The following PPP2R5E variants were observed in gnomAD, a reference collection of about 807,000 sequenced individuals.
PPP2R5E encodes the protein protein phosphatase 2 regulatory subunit B'epsilon.
A neutral mutation model predicts 65.3 loss-of-function variants in PPP2R5E; 4 were observed. The observed-to-expected ratio is 0.06, with a 90% CI of 0.03 to 0.14. The LOEUF (loss-of-function observed/expected upper bound fraction) is 0.14, where lower values mean the gene tolerates loss of function less well. Ranked by LOEUF, PPP2R5E falls within the 10% of genes least tolerant of loss-of-function variation. PPP2R5E has a pLI of 1.00. For synonymous variants in PPP2R5E, 183 were observed against 187.4 expected (o/e 0.98, Z 0.19); for missense variants, 274 against 556.1 (o/e 0.49, Z 5.10).
intron 3 of PPP2R5E, among the ~76,000 whole-genome samples, chr14:63,442,445 TAA>T (rs575777012): frequency 1.6e-3 from 234 of 149,442 alleles, no homozygotes; most frequent in South Asian, 4.2e-3. Flanking sequence ...CCTTTGGATC[TAA>T]AGAGTCACCT....
chr14:63,420,472 T>C (rs1308703245), intron 4 of PPP2R5E, among the ~76,000 whole-genome samples: 24 of 152,034 alleles, frequency 1.6e-4, no homozygotes, highest in Admixed American at 1.6e-3. Context: ...ACATCTAAGA[T>C]AGTAAATCAA....
intron 2 of PPP2R5E, among the ~76,000 whole-genome samples, chr14:63,535,068 G>A (rs1893613191): frequency 6.6e-6 from 1 of 152,152 alleles, no homozygotes; most frequent in Admixed American, 6.6e-5. Context: ...AATTACAGGT[G>A]GTGTTGCTTT....
At chr14:63,379,200 T>C (rs1042396606) in intron 13 of PPP2R5E, among the ~76,000 whole-genome samples, 1 of 151,536 alleles carries the variant, frequency 6.6e-6, no homozygotes, top group Non-Finnish European at 1.5e-5. Flanking sequence ...TGCTAATTTT[T>C]TGTAGTTTTA....
At chr14:63,393,237 T>C (rs1433419719) in intron 8 of PPP2R5E, among the ~76,000 whole-genome samples, 1 of 152,150 alleles carries the variant, frequency 6.6e-6, no homozygotes, top group Non-Finnish European at 1.5e-5. Flanking sequence ...ATAGGTTCAG[T>C]ATGTTATTGT....
intron 2 of PPP2R5E, among the ~76,000 whole-genome samples, chr14:63,518,545 G>A (rs1279812300): frequency 6.6e-6 from 1 of 152,104 alleles, no homozygotes; most frequent in East Asian, 1.9e-4. Context: ...TGCCCACACA[G>A]ATTTTATTTA....
chr14:63,430,412 T>TGC (rs1887609631), intron 3 of PPP2R5E, among the ~76,000 whole-genome samples: 7 of 151,240 alleles, frequency 4.6e-5, no homozygotes, highest in African/African-American at 1.5e-4. Flanking sequence ...CATACATACA[T>TGC]ACATACATGC....
intron 2 of PPP2R5E, among the ~76,000 whole-genome samples, chr14:63,534,508 C>A (rs1893584623): frequency 6.6e-6 from 1 of 152,112 alleles, no homozygotes; most frequent in African/African-American, 2.4e-5. Context: ...AAATGACCCG[C>A]CCCCTGTCGG....
intron 2 of PPP2R5E, among the ~76,000 whole-genome samples, chr14:63,484,937 A>T (rs1890905997): frequency 6.6e-6 from 1 of 152,246 alleles, no homozygotes. Context: ...CACTTTCAAC[A>T]ATACTTCTGT....
At chr14:63,478,509 G>A (rs1490229644) in intron 2 of PPP2R5E, among the ~76,000 whole-genome samples, 1 of 152,054 alleles carries the variant, frequency 6.6e-6, no homozygotes, top group African/African-American at 2.4e-5. Context: ...TGGCTTAATA[G>A]AAAGCAACTG....
chr14:63,446,013 T>TAC (rs1392260003), intron 3 of PPP2R5E, among the ~76,000 whole-genome samples: 2 of 152,236 alleles, frequency 1.3e-5, no homozygotes, highest in Non-Finnish European at 2.9e-5. Context: ...CAACTAAGTT[T>TAC]ACATAATGTT....
At chr14:63,468,488 C>T (rs537415289) in intron 2 of PPP2R5E, among the ~76,000 whole-genome samples, 56 of 152,264 alleles carry the variant, frequency 3.7e-4, no homozygotes, top group Non-Finnish European at 6.5e-4. Context: ...GCATCAGCAA[C>T]GTGTCAAACT....
At chr14:63,542,016 T>C (rs1420473399) in intron 1 of PPP2R5E, among the ~76,000 whole-genome samples, 5 of 152,258 alleles carry the variant, frequency 3.3e-5, no homozygotes, top group Non-Finnish European at 7.3e-5. Context: ...CATTCGGGTA[T>C]GTGAATTATT....
Position 63,392,003 on chromosome 14 carries a change from A to G in PPP2R5E, c.872T>C (p.Phe291Ser), listed in dbSNP as rs1885049286. ...HAQLAYCIVQ[F>S]LEKDPSLTEP... ...TGTGAGTGAAGGATCTTTCTCCAGA[A>G]ACTGTACTATACAATATGCCAGCTG... Residue 291 changes from phenylalanine to serine, a missense_variant, in exon 9 of 14, where the codon TTT becomes TCT. By Grantham distance (155) the Phe-to-Ser change is radical. Around this residue, in one of 6 missense-constraint regions of PPP2R5E, gnomAD observed 129 missense variants for 254.9 expected, o/e 0.51. Transcript: ENST00000337537. 1 of 1,610,488 alleles carries G rather than the reference A, an allele frequency of 6.2e-7. No individual in the cohort carries two copies. The highest frequency in any genetic ancestry group is 1.1e-5 in the South Asian group (1 of 90,410).
At chr14:63,515,517 C>T (rs1274879409) in intron 2 of PPP2R5E, among the ~76,000 whole-genome samples, 1 of 151,962 alleles carries the variant, frequency 6.6e-6, no homozygotes, top group Non-Finnish European at 1.5e-5. Context: ...TTTTTGTGAA[C>T]ATTATCATTC....
At chr14:63,387,575 G>T (rs1250244304) in intron 11 of PPP2R5E, among the ~76,000 whole-genome samples, 1 of 141,556 alleles carries the variant, frequency 7.1e-6, no homozygotes, top group Non-Finnish European at 1.6e-5. Context: ...AATGTTTGTG[G>T]ATGAACCAGC....
At chr14:63,421,280 T>G (rs2139884222) in intron 4 of PPP2R5E, among the ~76,000 whole-genome samples, 2 of 152,226 alleles carry the variant, frequency 1.3e-5, no homozygotes, top group South Asian at 4.1e-4. Flanking sequence ...TGCTCTATTC[T>G]TTTGAGAAAT....
At chr14:63,465,406 G>A (rs1292122109) in intron 2 of PPP2R5E, among the ~76,000 whole-genome samples, 1 of 139,218 alleles carries the variant, frequency 7.2e-6, no homozygotes, top group Non-Finnish European at 1.5e-5. Flanking sequence ...TGGAGTCCAA[G>A]AGTTCGAGAC....
At chr14:63,463,039 T>C (rs991957606) in intron 2 of PPP2R5E, among the ~76,000 whole-genome samples, 1 of 145,758 alleles carries the variant, frequency 6.9e-6, no homozygotes, top group African/African-American at 2.5e-5. Flanking sequence ...GAGGCGGAGG[T>C]TGTGGTGAGC....
At chr14:63,423,606 T>C (rs1594857964) in intron 3 of PPP2R5E, among the ~76,000 whole-genome samples, 1 of 152,152 alleles carries the variant, frequency 6.6e-6, no homozygotes, top group Non-Finnish European at 1.5e-5. Context: ...AAAGGAGATA[T>C]TGCATCAGAA....
Sources: gnomAD v4.1 joint callset for allele counts (sites outside exome capture counted in the v4.1 genomes callset) on GRCh38, gnomAD v4.1.1 for gene constraint, gnomAD v4.1.1 regional missense constraint, MANE v1.5 for transcripts, NCBI Gene and HGNC (gene_info 2026-07-23, HGNC 2026-07-21) for gene names.